Variants in TEX22 observed in about 807,000 individuals in gnomAD.
The protein encoded by TEX22 is testis expressed 22, also known as testis-expressed protein 22.
Under a neutral mutation model 11.3 loss-of-function variants are expected in TEX22, and 16 were observed. The ratio of observed to expected loss-of-function variants is 1.42; its 90% confidence interval spans 0.96 to 2.15. The LOEUF (loss-of-function observed/expected upper bound fraction) is 2.15. Among genes scored for constraint, TEX22 ranks in the 30% most tolerant of loss-of-function variants. The pLI, the probability that TEX22 is intolerant of heterozygous loss-of-function variation, is 0.00. For missense variants in TEX22, 220 were observed against 208.6 expected, an observed-to-expected ratio of 1.05 and a Z score of -0.34; for synonymous variants, 97 against 92.3, an observed-to-expected ratio of 1.05 and a Z score of -0.29.
At chr14:105,399,082 G>A (rs1171827769) in intron 1 of TEX22, among the ~76,000 whole-genome samples, 1 of 152,236 alleles carries the variant, frequency 6.6e-6, no homozygotes, top group Non-Finnish European at 1.5e-5. Context: ...GGTCGGCAGG[G>A]GCAGAGAGGA....
chr14:105,410,704 G>A (rs1485697362), intron 2 of TEX22, among the ~76,000 whole-genome samples: 4 of 152,214 alleles, frequency 2.6e-5, no homozygotes, highest in African/African-American at 9.7e-5. Context: ...GGTGAGGGAG[G>A]TGGAGGATGG....
chr14:105,402,539 G>A (rs1334610434), intron 2 of TEX22, among the ~76,000 whole-genome samples: 1 of 151,960 alleles, frequency 6.6e-6, no homozygotes, highest in Non-Finnish European at 1.5e-5. Flanking sequence ...CAGATCACAA[G>A]GTCTGGAGAT....
chr14:105,401,831 G>C (rs1423249941), intron 2 of TEX22, among the ~76,000 whole-genome samples: 1 of 152,204 alleles, frequency 6.6e-6, no homozygotes, highest in African/African-American at 2.4e-5. Flanking sequence ...TCAAGAGCTT[G>C]CAGTGGCCAC....
chr14:105,405,033 T>C (rs10142763), intron 2 of TEX22, among the ~76,000 whole-genome samples: 6,209 of 152,180 alleles, frequency 0.041, 409 homozygotes, highest in African/African-American at 0.14. Context: ...TGGGCCATGG[T>C]GGCTCACACC....
intron 2 of TEX22, among the ~76,000 whole-genome samples, chr14:105,403,177 G>A (rs1210970401): frequency 6.6e-6 from 1 of 152,190 alleles, no homozygotes; most frequent in South Asian, 2.1e-4. Flanking sequence ...CTGTGCCTAC[G>A]TGTGGGTGGG....
rs1025074905 is a variant in TEX22, at chr14:105,412,025, G to A, written c.*192G>A. ...CCTTGGAGACCGGGCTAGGGGCTAT[G>A]GGAGGCCATCTAGGGGAGGGGAACA... is the stretch of plus-strand genomic sequence containing the variant. On this transcript the variant is annotated 3_prime_UTR_variant, in exon 4 of 4. Transcript: ENST00000451127. This position sits in a 1 kb window ranked among gnomAD's most constrained non-coding sequence, Gnocchi z 5.8. 4 of 507,878 alleles carry A rather than the reference G, an allele frequency of 7.9e-6. No homozygotes were observed. The Middle Eastern group carries it at 1.4e-3, about 183-fold the overall frequency. The allele number at this position is 507,878 out of a possible 1,614,324, so 31.5% of individuals were successfully genotyped here.
chr14:105,399,846 G>C lies in TEX22; in HGVS notation c.150+356G>C, dbSNP rs182695141. The stretch of plus-strand genomic sequence containing the variant: ...GGGAGGGAAAGCAAGGTCCCCAGGG[G>C]GGGTGGTGTCCTCCCAACCAGGTGG... On this transcript the variant is annotated intron_variant, in intron 2 of 3. Coordinates refer to ENST00000451127, the MANE Select transcript of TEX22 (RefSeq NM_001195082.2). Among the ~76,000 whole-genome samples the C allele has an allele frequency of 3.9e-5, 6 of 152,304 alleles. No homozygotes were observed. The East Asian group carries it at 5.8e-4, about 15-fold the overall frequency.
At chr14:105,406,106 G>A (rs781830630) in intron 2 of TEX22, among the ~76,000 whole-genome samples, 10 of 152,158 alleles carry the variant, frequency 6.6e-5, no homozygotes, top group Non-Finnish European at 1.2e-4. Context: ...GTGCGGGTCC[G>A]TCTCTCAAAA....
chr14:105,399,435 G>A lies in TEX22; in HGVS notation c.95G>A (p.Trp32Ter). ...CCCCCACTGGGCCTGATAGCAGCCT[G>A]GGGCCAGCCCAGTATCCAGAGCAGC... ...RRPPLGLIAA[W>*]GQPSIQSSVQ... The change falls in exon 2 of 4, where the codon TGG becomes TAG. Residue 32 changes from tryptophan (W) to a stop codon, truncating the protein, a stop_gained. Transcript: ENST00000451127. LOFTEE classifies it high-confidence loss of function. The A allele has an allele frequency of 6.5e-7, 1 of 1,535,816 alleles. No homozygotes were observed. Among genetic ancestry groups the A allele is most frequent in the Non-Finnish European group, 8.7e-7 (1 of 1,146,784 alleles).
intron 2 of TEX22, among the ~76,000 whole-genome samples, chr14:105,402,296 C>T (rs1555418430): frequency 2.0e-5 from 3 of 152,274 alleles, no homozygotes; most frequent in East Asian, 1.9e-4. Flanking sequence ...TAATATGTTA[C>T]CTACTTGGAA....
chr14:105,411,169 G>A (rs982618574), intron 2 of TEX22, among the ~76,000 whole-genome samples, 199 bp from the exon 3 acceptor site: 2 of 152,252 alleles, frequency 1.3e-5, no homozygotes, highest in Admixed American at 1.3e-4. Context: ...TCCTGGCACA[G>A]ATGACTGTGC....
At chr14:105,411,525 C>CCCT in intron 3 of TEX22, 29 bp downstream of exon 3, 2 of 1,056,558 alleles carry the variant, frequency 1.9e-6, no homozygotes, top group Non-Finnish European at 2.3e-6. Context: ...CTCCCCGCCC[C>CCCT]GTCCCCGCCC....
rs2081695085 is a variant in TEX22, at chr14:105,411,782, G to A, written c.402G>A (p.Ala134=). Residue 134 remains alanine, a synonymous_variant, in exon 4 of 4, where the codon GCG becomes GCA. Transcript: ENST00000451127. ...NAFQAFLARS[A]PFWHNATFEA... ...TCCAGGCCTTCCTGGCGCGCAGTGC[G>A]CCTTTCTGGCATAATGCGACTTTCG... 4.0e-6 allele frequency: 6 copies of A among 1,493,700 alleles called. No individual in the cohort carries two copies. Among genetic ancestry groups the A allele is most frequent in the Admixed American group, 2.1e-5 (1 of 46,798 alleles). The allele number at this position is 1,493,700 out of a possible 1,614,324, so 92.5% of individuals were successfully genotyped here.
chr14:105,405,843 G>A (rs1033520775), intron 2 of TEX22, among the ~76,000 whole-genome samples: 8 of 152,190 alleles, frequency 5.3e-5, no homozygotes, highest in African/African-American at 1.7e-4. Context: ...ACTTGGAAAA[G>A]GAACCATACA....
chr14:105,399,085 A>G (rs1555418052), intron 1 of TEX22, among the ~76,000 whole-genome samples: 1 of 152,218 alleles, frequency 6.6e-6, no homozygotes, highest in Admixed American at 6.5e-5. Context: ...CGGCAGGGGC[A>G]GAGAGGACAG....
intron 2 of TEX22, among the ~76,000 whole-genome samples, chr14:105,406,933 A>G (rs183258024): frequency 6.6e-6 from 1 of 152,262 alleles, no homozygotes; most frequent in African/African-American, 2.4e-5. Flanking sequence ...TTGCACGGTC[A>G]TGGTTTGGGG....
intron 2 of TEX22, among the ~76,000 whole-genome samples, chr14:105,401,735 TA>T (rs1336186121): frequency 1.3e-5 from 2 of 151,728 alleles, no homozygotes; most frequent in Non-Finnish European, 1.5e-5. Context: ...AAGTATAATT[TA>T]AAAAAAACCG....
At chr14:105,411,254 C>T (rs587720761) in intron 2 of TEX22, 114 bp from the exon 3 acceptor site, 50 of 1,129,562 alleles carry the variant, frequency 4.4e-5, no homozygotes, top group African/African-American at 4.3e-4. Context: ...GCTGAGCAGA[C>T]GGCGCTTTAG....
At chr14:105,405,376 G>A (rs2081653400) in intron 2 of TEX22, among the ~76,000 whole-genome samples, 2 of 152,174 alleles carry the variant, frequency 1.3e-5, no homozygotes. Context: ...AGAACAGAAG[G>A]AGATACGATG....
Sources: gnomAD v4.1 joint callset for allele counts (sites outside exome capture counted in the v4.1 genomes callset) on GRCh38, gnomAD v4.1.1 for gene constraint, Gnocchi (gnomAD v3.1) non-coding constraint, MANE v1.5 for transcripts, NCBI Gene and HGNC (gene_info 2026-07-23, HGNC 2026-07-21) for gene names.